The following KCTD5 variants were observed in gnomAD, a reference collection of about 807,000 sequenced individuals.
The protein encoded by KCTD5 is BTB/POZ domain-containing protein KCTD5.
KCTD5 carries 12 observed loss-of-function variants against 27.9 expected under a neutral mutation model. The ratio of observed to expected loss-of-function variants is 0.43; its 90% CI spans 0.28 to 0.70. The LOEUF (loss-of-function observed/expected upper bound fraction) is 0.70. Ranked by LOEUF, KCTD5 falls within the 30% of genes least tolerant of loss-of-function variation. The pLI, the probability that KCTD5 is intolerant of heterozygous loss-of-function variation, is 0.19. For missense variants in KCTD5, 226 were observed against 274.8 expected (o/e 0.82, Z 1.26); for synonymous variants, 147 against 121.4 (o/e 1.21, Z -1.39).
chr16:2,697,873 C>G, intron 2 of KCTD5, 33 bp from the exon 3 acceptor site: 2 of 1,476,670 alleles, frequency 1.4e-6, no homozygotes, highest in South Asian at 1.1e-5. Flanking sequence ...TTAGTTTGGT[C>G]TGGTAAAGAC....
chr16:2,684,343 A>G (rs1172794057), intron 1 of KCTD5: 1 of 152,192 alleles, frequency 6.6e-6, no homozygotes, highest in Admixed American at 6.5e-5. Context: ...ACTGTTCCTT[A>G]AGACTTTGTT....
At chr16:2,693,451 T>C (rs11646634) in intron 1 of KCTD5, among the ~76,000 whole-genome samples, 24,842 of 152,220 alleles carry the variant, frequency 0.16, 2,271 homozygotes, top group Middle Eastern at 0.3. Flanking sequence ...CCCCGCCCAG[T>C]GGTAGGAGTG....
intron 1 of KCTD5, chr16:2,683,063 C>T (rs2067525607): frequency 4.7e-6 from 2 of 428,698 alleles, no homozygotes; most frequent in South Asian, 4.1e-5. Flanking sequence ...CTTCCTCGCC[C>T]TCTTTGCTCT....
At chr16:2,692,349 C>T (rs2067570179) in intron 1 of KCTD5, among the ~76,000 whole-genome samples, 2 of 152,262 alleles carry the variant, frequency 1.3e-5, no homozygotes, top group Middle Eastern at 3.4e-3. Context: ...AGTGTTGGGA[C>T]AGTGCAGAGG....
intron 1 of KCTD5, among the ~76,000 whole-genome samples, chr16:2,692,959 C>G (rs1232740663): frequency 5.3e-5 from 8 of 152,252 alleles, no homozygotes; most frequent in Admixed American, 5.2e-4. Flanking sequence ...CTGCCTGCTC[C>G]GTGGAGCGGG....
intron 3 of KCTD5, chr16:2,699,423 AG>A (rs1188743462): frequency 5.6e-6 from 2 of 358,924 alleles, no homozygotes; most frequent in Admixed American, 3.7e-5. Context: ...GCTGGGAGCG[AG>A]CTTCGTCTGG....
At chr16:2,699,958 T>C (rs1475572015) in intron 4 of KCTD5, 42 bp downstream of exon 4, 1 of 1,561,500 alleles carries the variant, frequency 6.4e-7, no homozygotes. Flanking sequence ...ATGCTGCAGC[T>C]GAACTTGTGC....
Position 2,708,018 on chromosome 16 carries a change from G to GA in KCTD5, c.*691_*692insA, listed in dbSNP as rs549170236. On this transcript the variant is annotated 3_prime_UTR_variant, in exon 6 of 6. Transcript: ENST00000301738. ...TCTCTGTGTGGATAGACTCCCCAGC[G>GA]TTTTTCCTCTGGAAATGCCCACAGG... The GA allele has an allele frequency of 7.6e-4, 117 of 153,424 alleles. No individual in the cohort carries two copies. Among genetic ancestry groups the GA allele is most frequent in the Non-Finnish European group, 8.7e-4 (60 of 68,642 alleles). The allele number at this position is 153,424 out of a possible 1,614,324, so 9.5% of individuals were successfully genotyped here. A position where few individuals can be genotyped will look rare whatever the true frequency, so the allele number is the denominator to read the frequency against.
chr16:2,700,097 G>T (rs1482643244), intron 4 of KCTD5, among the ~76,000 whole-genome samples, 181 bp downstream of exon 4: 1 of 152,216 alleles, frequency 6.6e-6, no homozygotes, highest in Non-Finnish European at 1.5e-5. Flanking sequence ...GGGAGTTCGG[G>T]TGGGGTGGGC....
At chr16:2,682,979 A>C in intron 1 of KCTD5, 179 bp downstream of exon 1, 1 of 691,544 alleles carries the variant, frequency 1.4e-6, no homozygotes, top group South Asian at 2.5e-5. Flanking sequence ...CTACCCTGGG[A>C]GGGGAGGGTG....
chr16:2,687,553 A>T (rs1378940530), intron 1 of KCTD5, among the ~76,000 whole-genome samples: 1 of 152,206 alleles, frequency 6.6e-6, no homozygotes, highest in Non-Finnish European at 1.5e-5. Flanking sequence ...AGAGATGCCC[A>T]TTTGCTTACG....
chr16:2,687,892 T>A (rs1475595277), intron 1 of KCTD5, among the ~76,000 whole-genome samples: 1 of 152,184 alleles, frequency 6.6e-6, no homozygotes, highest in South Asian at 2.1e-4. Context: ...TCCCTGGGCG[T>A]CAACTCGGCA....
chr16:2,705,098 C>T (rs1277198964), intron 5 of KCTD5, among the ~76,000 whole-genome samples: 2 of 152,204 alleles, frequency 1.3e-5, no homozygotes, highest in African/African-American at 4.8e-5. Flanking sequence ...GTCCTGACAG[C>T]CTGTCTTCTC....
Position 2,684,889 on chromosome 16 carries a change from G to C in KCTD5, c.252+2089G>C, listed in dbSNP as rs1268070869. The C allele has an allele frequency of 3.3e-5, 5 of 152,306 alleles. No homozygotes were observed. In the East Asian group the frequency reaches 9.7e-4, roughly 30 times the overall value. The allele number at this position is 152,306 out of a possible 1,614,324, so 9.4% of individuals were successfully genotyped here. A position where few individuals can be genotyped will look rare whatever the true frequency, so the allele number is the denominator to read the frequency against. ...GGAGGTGGAGCTTGCAGTGAGTCAA[G>C]ATCACGCCACTGCACTCTAGCTTGG... On this transcript the variant is annotated intron_variant, in intron 1 of 5. Transcript: ENST00000301738.
At chr16:2,704,404 C>T (rs1032210200) in intron 5 of KCTD5, among the ~76,000 whole-genome samples, 13 of 151,934 alleles carry the variant, frequency 8.6e-5, no homozygotes, top group South Asian at 2.1e-4. Flanking sequence ...CAGTCAGCGG[C>T]GGCGGGAGAG....
intron 3 of KCTD5, among the ~76,000 whole-genome samples, chr16:2,698,348 A>G (rs1047424332): frequency 1.3e-5 from 2 of 152,254 alleles, no homozygotes; most frequent in African/African-American, 4.8e-5. Flanking sequence ...AGAGGGTGCC[A>G]AGGGCCTGCA....
At chr16:2,697,786 G>A (rs565412993) in intron 2 of KCTD5, 120 bp from the exon 3 acceptor site, 237 of 711,332 alleles carry the variant, frequency 3.3e-4, no homozygotes, top group Admixed American at 5.1e-4. Context: ...AGCAGCTCCC[G>A]CTGGGCCGAG....
intron 4 of KCTD5, among the ~76,000 whole-genome samples, chr16:2,701,961 C>G (rs1370380055): frequency 6.6e-6 from 1 of 152,210 alleles, no homozygotes; most frequent in Non-Finnish European, 1.5e-5. Flanking sequence ...GGCTTTCGGT[C>G]CAGTCAGCTG....
At chr16:2,684,962 G>A (rs370061716) in intron 1 of KCTD5, among the ~76,000 whole-genome samples, 1 of 152,074 alleles carries the variant, frequency 6.6e-6, no homozygotes, top group Non-Finnish European at 1.5e-5. Flanking sequence ...ATGCTTTACT[G>A]TAGGAATCAA....
Sources: allele counts gnomAD v4.1 joint callset (sites outside exome capture counted in the v4.1 genomes callset), GRCh38; gene constraint gnomAD v4.1.1; transcripts MANE v1.5; gene names NCBI Gene and HGNC (gene_info 2026-07-23, HGNC 2026-07-21).